TRPM8: variants seen among roughly 807,000 people sequenced by gnomAD.
TRPM8 encodes the protein transient receptor potential cation channel subfamily M member 8.
In TRPM8, 110 loss-of-function variants were observed where a neutral mutation model predicts 133.7. That is an observed-to-expected ratio of 0.82 (90% CI 0.70 to 0.96). The LOEUF (loss-of-function observed/expected upper bound fraction) is 0.96. Among genes scored for constraint, TRPM8 ranks in the 40% least tolerant of loss-of-function variants. The pLI, the probability that TRPM8 is intolerant of heterozygous loss-of-function variation, is 0.00. For synonymous variants in TRPM8, 535 were observed against 532.3 expected (o/e 1.01, Z -0.07); for missense variants, 1,291 against 1,379.5 (o/e 0.94, Z 1.02).
At chr2:233,927,544 T>C (rs892339481) in intron 2 of TRPM8, among the ~76,000 whole-genome samples, 1 of 152,100 alleles carries the variant, frequency 6.6e-6, no homozygotes, top group Non-Finnish European at 1.5e-5. Flanking sequence ...ACCTCAGTCC[T>C]GGCCACAGGA....
intron 13 of TRPM8, among the ~76,000 whole-genome samples, chr2:233,964,227 T>A (rs1210910251): frequency 6.6e-6 from 1 of 152,140 alleles, no homozygotes; most frequent in East Asian, 1.9e-4. Flanking sequence ...TGTTGGACAT[T>A]AATGTTGACT....
At chr2:233,930,427 AATAAG>A (rs555679285) in intron 2 of TRPM8, among the ~76,000 whole-genome samples, 54 of 152,220 alleles carry the variant, frequency 3.5e-4, no homozygotes, top group Non-Finnish European at 5.0e-4. Context: ...ACTGTTTATA[AATAAG>A]ATAAGTCCAA....
rs1214364002 is a variant in TRPM8, at chr2:234,018,661, A to G, written c.*1405A>G. 1 of 151,822 alleles carries G rather than the reference A, an allele frequency of 6.6e-6. No individual in the cohort carries two copies. The highest frequency in any genetic ancestry group is 1.5e-5 in the Non-Finnish European group (1 of 67,944). 9.4% of individuals were successfully genotyped at this position (151,822 alleles called of 1,614,324 possible). A position where few individuals can be genotyped will look rare whatever the true frequency, so the allele number is the denominator to read the frequency against. ...GGAGTTCGAGACCAGCCTGGCCAAC[A>G]TGGCAAAACCACATCTCTACTAAAA... On this transcript the variant is annotated 3_prime_UTR_variant, in exon 26 of 26. Coordinates refer to ENST00000324695, the MANE Select transcript of TRPM8 (RefSeq NM_024080.5).
chr2:233,966,789 A>G (rs12185625), intron 15 of TRPM8, 34 bp downstream of exon 15: 203,247 of 1,481,116 alleles, frequency 0.14, 14,811 homozygotes, highest in Non-Finnish European at 0.15. Flanking sequence ...CCACACGGCC[A>G]GAAATGGGGC....
chr2:233,929,068 G>A (rs1401403860), intron 2 of TRPM8, among the ~76,000 whole-genome samples: 1 of 145,610 alleles, frequency 6.9e-6, no homozygotes, highest in Non-Finnish European at 1.5e-5. Context: ...AACCATTGTT[G>A]ATTTATTTCA....
intron 21 of TRPM8, among the ~76,000 whole-genome samples, chr2:233,990,350 C>T (rs180778957): frequency 1.3e-5 from 2 of 152,328 alleles, no homozygotes; most frequent in East Asian, 3.9e-4. Flanking sequence ...AGCCAAAGTA[C>T]ACTCTAGCAG....
chr2:234,005,421 T>G (rs1692668783), intron 22 of TRPM8, among the ~76,000 whole-genome samples: 1 of 152,224 alleles, frequency 6.6e-6, no homozygotes, highest in South Asian at 2.1e-4. Flanking sequence ...TCTCTGGCTG[T>G]CTGTGTCCAG....
chr2:233,996,861 A>T (rs1692417926), intron 22 of TRPM8, among the ~76,000 whole-genome samples: 1 of 152,220 alleles, frequency 6.6e-6, no homozygotes, highest in Non-Finnish European at 1.5e-5. Context: ...CGTGAAATTT[A>T]TTCTCTAGGA....
chr2:233,960,856 C>A lies in TRPM8; in HGVS notation c.1443C>A (p.Gly481=). Residue 481 remains glycine (G), a synonymous_variant, in exon 12 of 26, where the codon GGC becomes GGA. Transcript: ENST00000324695. ...PKFVRLFLEN[G]LNLRKFLTHD... is the part of the protein sequence containing the mutation. ...TTGTCCGCCTCTTTCTGGAGAATGG[C>A]TTGAACCTACGGAAGTTTCTCACCC... 6.2e-7 allele frequency: 1 copy of A among 1,614,174 alleles called. No homozygotes were observed. Among genetic ancestry groups the A allele is most frequent in the Middle Eastern group, 1.6e-4 (1 of 6,062 alleles).
At chr2:233,943,261 TC>T (rs1434525070) in intron 6 of TRPM8, among the ~76,000 whole-genome samples, 1 of 151,288 alleles carries the variant, frequency 6.6e-6, no homozygotes, top group Admixed American at 6.6e-5. Context: ...CCCTCCCCAC[TC>T]CCCCCACTCC....
chr2:234,009,161 C>T (rs930280396), intron 24 of TRPM8, among the ~76,000 whole-genome samples: 2 of 152,190 alleles, frequency 1.3e-5, no homozygotes, highest in Non-Finnish European at 2.9e-5. Context: ...TATCTGGAAT[C>T]CTCCTTTCAC....
At chr2:233,918,670 T>G (rs1304262270) in intron 1 of TRPM8, among the ~76,000 whole-genome samples, 1 of 152,134 alleles carries the variant, frequency 6.6e-6, no homozygotes, top group African/African-American at 2.4e-5. Context: ...TGAAAAAAAT[T>G]TGGCTGATAG....
chr2:233,929,148 T>C (rs1349504399), intron 2 of TRPM8, among the ~76,000 whole-genome samples: 1 of 152,160 alleles, frequency 6.6e-6, no homozygotes, highest in Non-Finnish European at 1.5e-5. Flanking sequence ...GGATTTCTGG[T>C]CTTTGCTATG....
At chr2:233,950,818 G>C (rs936978355) in intron 9 of TRPM8, among the ~76,000 whole-genome samples, 3 of 152,218 alleles carry the variant, frequency 2.0e-5, no homozygotes, top group African/African-American at 7.2e-5. Flanking sequence ...AATTCTGTTG[G>C]TTGGGAAAAG....
In TRPM8 at chr2:233,960,897, A is replaced by C; in HGVS notation, c.1484A>C (p.Glu495Ala). ...RKFLTHDVLT[E>A]LFSNHFSTLV... ...TTTCTCACCCATGATGTCCTCACTGAACTCTTCTCCAACCACTTCAGCACG... is the reference window on the plus strand; with the variant it reads ...TTTCTCACCCATGATGTCCTCACTGCACTCTTCTCCAACCACTTCAGCACG... Residue 495 changes from glutamate to alanine, a missense_variant, in exon 12 of 26, where the codon GAA (glutamate) becomes GCA (alanine). Glu to Ala is a moderately radical substitution (Grantham distance 107). Around this residue, in one of 2 missense-constraint regions of TRPM8, gnomAD observed 963 missense variants for 968.9 expected, o/e 0.99. Transcript: ENST00000324695. The C allele has an allele frequency of 6.2e-7, 1 of 1,614,162 alleles. No homozygotes were observed. Among genetic ancestry groups the C allele is most frequent in the Non-Finnish European group, 8.5e-7 (1 of 1,180,040 alleles).
rs1426084314 is a variant in TRPM8 at position 233,945,268 on chromosome 2, C to T, written c.700-588C>T. ...TGGTAAGGATTCCTTTCTTTATGTT[C>T]CTGAAGCAGTTTTTTATTCTCTGGT... On this transcript the variant is annotated intron_variant, in intron 6 of 25. Coordinates refer to ENST00000324695, the MANE Select transcript of TRPM8 (RefSeq NM_024080.5). Among the ~76,000 whole-genome samples, 5 of 152,116 alleles carry T rather than the reference C, an allele frequency of 3.3e-5. No individual in the cohort carries two copies. The East Asian group carries it at 9.6e-4, about 29-fold the overall frequency.
chr2:233,950,068 C>G lies in TRPM8; in HGVS notation c.1062C>G (p.Val354=). The G allele has an allele frequency of 1.2e-6, 2 of 1,614,090 alleles. No homozygotes were observed. The highest frequency in any genetic ancestry group is 1.7e-6 in the Non-Finnish European group (2 of 1,180,038). Residue 354 remains valine, a synonymous_variant, in exon 9 of 26, where the codon GTC becomes GTG. Coordinates refer to ENST00000324695, the MANE Select transcript of TRPM8 (RefSeq NM_024080.5). ...AGGATGCCCTGACATCTTCTGCCGT[C>G]AAGGAGAAGCTGGTGCGCTTTTTAC... ...EVEDALTSSA[V]KEKLVRFLPR...
rs17868400 is a variant in TRPM8 at position 233,995,035 on chromosome 2, A to G, written c.2940-1291A>G. Among the ~76,000 whole-genome samples the G allele has an allele frequency of 7.4e-3, 1,130 of 152,316 alleles. 11 individuals carry two copies. Among genetic ancestry groups the G allele is most frequent in the Non-Finnish European group, 9.2e-3 (627 of 68,016 alleles). Reference sequence around the variant, plus strand: ...TCAAACCCATTTTTTGAAATAGAGCATTGCTTAAAACATTTCCTGCTCCCC... The same window carrying G: ...TCAAACCCATTTTTTGAAATAGAGCGTTGCTTAAAACATTTCCTGCTCCCC... On this transcript the variant is annotated intron_variant, in intron 21 of 25. Transcript: ENST00000324695.
chr2:233,927,843 CCTTCCTTCCTTTCTTTCTCTT>C (rs1691578416), intron 2 of TRPM8, among the ~76,000 whole-genome samples: 2 of 56,396 alleles, frequency 3.5e-5, no homozygotes, highest in Non-Finnish European at 6.4e-5. Context: ...TTCCTTCCTT[CCTTCCTTCCTTTCTTTCTCTT>C]TCTTTCTTTC....
Sources: gnomAD v4.1 joint callset for allele counts (sites outside exome capture counted in the v4.1 genomes callset) on GRCh38, gnomAD v4.1.1 for gene constraint, gnomAD v4.1.1 regional missense constraint, MANE v1.5 for transcripts, NCBI Gene and HGNC (gene_info 2026-07-23, HGNC 2026-07-21) for gene names.